Variants in EPB41L3 observed in about 807,000 individuals in gnomAD.
EPB41L3 encodes erythrocyte membrane protein band 4.1 like 3.
EPB41L3 carries 57 observed loss-of-function variants against 127.1 expected under a neutral mutation model. The ratio of observed to expected loss-of-function variants is 0.45; its 90% CI spans 0.36 to 0.56. The LOEUF (loss-of-function observed/expected upper bound fraction) is 0.56. EPB41L3 is among the 20% of genes least tolerant of loss of function. The probability of loss-of-function intolerance (pLI) is 0.00; values close to 1 mark genes in which losing one functional copy is unlikely to be tolerated. For missense variants in EPB41L3, 1,273 were observed against 1,372.2 expected, an observed-to-expected ratio of 0.93 and a Z score of 1.14; for synonymous variants, 572 against 549.5, an observed-to-expected ratio of 1.04 and a Z score of -0.57.
intron 3 of EPB41L3, among the ~76,000 whole-genome samples, chr18:5,599,341 T>A (rs78087433): frequency 0.028 from 4,194 of 152,312 alleles, 93 homozygotes; most frequent in Middle Eastern, 0.071. Flanking sequence ...GGGACACATT[T>A]CTTAAGGAAA....
At chr18:5,449,251 T>C (rs1420327113) in intron 3 of EPB41L3, among the ~76,000 whole-genome samples, 1 of 151,560 alleles carries the variant, frequency 6.6e-6, no homozygotes, top group Non-Finnish European at 1.5e-5. Flanking sequence ...CAAACATCAT[T>C]AGAGAACTGC....
In EPB41L3 at chr18:5,541,084, C is replaced by CAAA. The variant is rs147766745; in HGVS notation, c.-12+2826_-12+2828dup. Among the ~76,000 whole-genome samples, 643 of 76,150 alleles carry CAAA rather than the reference C, an allele frequency of 8.4e-3. 27 individuals carry two copies. Among genetic ancestry groups the CAAA allele is most frequent in the African/African-American group, 0.017 (297 of 17,696 alleles). The allele number at this position is 76,150 out of a possible 152,430, so 50.0% of individuals were successfully genotyped here. ...TGGGCGACAGAGCGAGACTCCGTCT[C>CAAA]AAAAAAAAAAAAAAAAAAGCTAGCA... On this transcript the variant is annotated intron_variant, in intron 1 of 22. Coordinates refer to ENST00000341928, the MANE Select transcript of EPB41L3 (RefSeq NM_012307.5).
At chr18:5,534,993 G>A (rs1178572162) in intron 1 of EPB41L3, among the ~76,000 whole-genome samples, 1 of 152,168 alleles carries the variant, frequency 6.6e-6, no homozygotes, top group African/African-American at 2.4e-5. Flanking sequence ...GCCAAGGACA[G>A]TGGTGGTGAG....
rs998140586 is a variant in EPB41L3 at position 5,400,659 on chromosome 18, C to T, written c.2350-2516G>A. The T allele has an allele frequency of 5.1e-5, 25 of 487,560 alleles. 1 individual carries two copies. The highest frequency in any genetic ancestry group is 9.8e-5 in the African/African-American group (5 of 51,280). The allele number at this position is 487,560 out of a possible 1,614,324, so 30.2% of individuals were successfully genotyped here. Reference sequence around the variant, plus strand: ...TCAGTCAACTTCATCTAAATTAGCACGACTCTACAGGTAAAAACAGGCAGT... The same window carrying T: ...TCAGTCAACTTCATCTAAATTAGCATGACTCTACAGGTAAAAACAGGCAGT... On this transcript the variant is annotated intron_variant, in intron 16 of 22. Transcript: ENST00000341928.
At position 5,506,190 on chromosome 18, in the gene EPB41L3, G is replaced by A. The variant is rs1331900396; in HGVS notation, c.-11-16996C>T. On this transcript the variant is annotated intron_variant, in intron 1 of 22. Transcript: ENST00000341928. ...TCCCTACCTCTGCACTCTCTGTACT[G>A]TGTTTTTCACACAACAGCCAGGTTG... Among the ~76,000 whole-genome samples the A allele has an allele frequency of 2.6e-5, 4 of 152,064 alleles. No individual in the cohort carries two copies. The East Asian group carries it at 7.8e-4, about 30-fold the overall frequency.
chr18:5,467,714 T>G (rs974227893), intron 3 of EPB41L3: 1 of 152,222 alleles, frequency 6.6e-6, no homozygotes, highest in Non-Finnish European at 1.5e-5. Flanking sequence ...AATCAGAAAC[T>G]TAATTTTCTC....
chr18:5,406,752 T>A (rs1305356481), intron 16 of EPB41L3, 25 bp downstream of exon 16: 1 of 1,600,444 alleles, frequency 6.2e-7, no homozygotes, highest in Admixed American at 1.7e-5. Flanking sequence ...AGAATACGAG[T>A]CTGACCACAA....
rs2072590093 is a variant in EPB41L3, at chr18:5,392,554, C to T, written c.*931G>A. 1 of 152,488 alleles carries T rather than the reference C, an allele frequency of 6.6e-6. No homozygotes were observed. The highest frequency in any genetic ancestry group is 6.6e-5 in the Admixed American group (1 of 15,266). The allele number at this position is 152,488 out of a possible 1,614,324, so 9.4% of individuals were successfully genotyped here. ...ATTCTGTACAGTTTAAGGCTTGGCT[C>T]TGAACTAGAATGTAAATATGGACCA... On this transcript the variant is annotated 3_prime_UTR_variant, in exon 23 of 23. Coordinates refer to ENST00000341928, the MANE Select transcript of EPB41L3 (RefSeq NM_012307.5).
At chr18:5,596,107 G>A (rs2094534534) in intron 3 of EPB41L3, among the ~76,000 whole-genome samples, 1 of 152,214 alleles carries the variant, frequency 6.6e-6, no homozygotes, top group African/African-American at 2.4e-5. Flanking sequence ...TCCATCCTCT[G>A]AATATTTCTC....
At chr18:5,504,280 AT>A (rs370797555) in intron 1 of EPB41L3, among the ~76,000 whole-genome samples, 11 of 150,740 alleles carry the variant, frequency 7.3e-5, no homozygotes, top group African/African-American at 1.5e-4. Context: ...CATCTAACAG[AT>A]TTTTTTTTTA....
At chr18:5,567,975 T>C (rs1292467758) in intron 3 of EPB41L3, among the ~76,000 whole-genome samples, 3 of 151,990 alleles carry the variant, frequency 2.0e-5, no homozygotes, top group Non-Finnish European at 4.4e-5. Context: ...TTGCAGATGG[T>C]AACCAATAAA....
chr18:5,450,816 G>A (rs2082192065), intron 3 of EPB41L3, among the ~76,000 whole-genome samples: 1 of 152,124 alleles, frequency 6.6e-6, no homozygotes. Flanking sequence ...TTTGCCTGTG[G>A]AGTTCTTTCA....
At chr18:5,504,956 C>G (rs2092031931) in intron 1 of EPB41L3, among the ~76,000 whole-genome samples, 1 of 152,100 alleles carries the variant, frequency 6.6e-6, no homozygotes. Context: ...CCCCAGTCCA[C>G]CCATTTCCCC....
chr18:5,423,345 C>T, intron 11 of EPB41L3, 33 bp downstream of exon 11: 1 of 1,570,340 alleles, frequency 6.4e-7, no homozygotes, highest in South Asian at 1.2e-5. Flanking sequence ...GGGGTAGGTA[C>T]TAGGTTATTA....
At chr18:5,407,065 G>A (rs922927529) in intron 15 of EPB41L3, 97 bp from the exon 16 acceptor site, 4 of 1,212,244 alleles carry the variant, frequency 3.3e-6, no homozygotes, top group Middle Eastern at 2.3e-4. Flanking sequence ...AATCTTATTA[G>A]TAGTCAAAAT....
intron 1 of EPB41L3, chr18:5,508,375 CTCTG>C (rs1275387113): frequency 2.6e-5 from 4 of 152,164 alleles, no homozygotes; most frequent in African/African-American, 4.8e-5. Context: ...ACTGAACTAT[CTCTG>C]TCTAATGCCA....
chr18:5,432,962 C>G (rs950361891), intron 8 of EPB41L3, among the ~76,000 whole-genome samples: 4 of 152,196 alleles, frequency 2.6e-5, no homozygotes, highest in Non-Finnish European at 5.9e-5. Flanking sequence ...GGGCCACACA[C>G]AGTGTCTGGC....
intron 3 of EPB41L3, among the ~76,000 whole-genome samples, chr18:5,583,731 G>A (rs2143296804): frequency 6.6e-6 from 1 of 151,492 alleles, no homozygotes; most frequent in African/African-American, 2.4e-5. Flanking sequence ...TAAAATTGAA[G>A]AGCTATATTT....
rs141726994 is a variant in EPB41L3, at chr18:5,607,181, G to A, written c.-306+5159C>T. 2.2e-4 allele frequency among the ~76,000 whole-genome samples: 33 copies of A among 152,310 alleles called. 1 individual carries two copies. The South Asian group carries it at 4.1e-3, about 19-fold the overall frequency. ...AGCCATGTGAAGCCACTGGAATGTCGAAAGCAAGAGCGAGGCATGGTCAGA... is the reference window on the plus strand; with the variant it reads ...AGCCATGTGAAGCCACTGGAATGTCAAAAGCAAGAGCGAGGCATGGTCAGA... On this transcript the variant is annotated intron_variant, in intron 3 of 21. Coordinates refer to the EPB41L3 transcript ENST00000545076.
Sources: gnomAD v4.1 joint callset for allele counts (sites outside exome capture counted in the v4.1 genomes callset) on GRCh38, gnomAD v4.1.1 for gene constraint, MANE v1.5 for transcripts, NCBI Gene and HGNC (gene_info 2026-07-23, HGNC 2026-07-21) for gene names.